The following ARHGAP32 variants were observed in gnomAD, a reference collection of about 807,000 sequenced individuals.
ARHGAP32 encodes Rho GTPase activating protein 32.
A neutral mutation model predicts 186.5 loss-of-function variants in ARHGAP32; 51 were observed. The observed-to-expected ratio is 0.27, with a 90% confidence interval of 0.22 to 0.35. The LOEUF (loss-of-function observed/expected upper bound fraction) is 0.35, where lower values mean the gene tolerates loss of function less well. Ranked by LOEUF, ARHGAP32 falls within the 10% of genes least tolerant of loss-of-function variation. The pLI, the probability that ARHGAP32 is intolerant of heterozygous loss-of-function variation, is 1.00. For synonymous variants in ARHGAP32, 950 were observed against 964.3 expected, an observed-to-expected ratio of 0.99 and a Z score of 0.27; for missense variants, 2,186 against 2,623.5, an observed-to-expected ratio of 0.83 and a Z score of 3.64.
intron 11 of ARHGAP32, among the ~76,000 whole-genome samples, chr11:129,037,694 G>C (rs769365501): frequency 3.3e-5 from 5 of 151,736 alleles, no homozygotes; most frequent in Non-Finnish European, 5.9e-5. Context: ...AAGGGGCCCA[G>C]AAAAGCCAAA....
At chr11:129,137,033 C>T (rs989289904) in intron 2 of ARHGAP32, among the ~76,000 whole-genome samples, 1 of 151,412 alleles carries the variant, frequency 6.6e-6, no homozygotes, top group African/African-American at 2.4e-5. Context: ...AATAAGAAAA[C>T]AGTTTAATAC....
intron 10 of ARHGAP32, among the ~76,000 whole-genome samples, chr11:129,042,885 T>C (rs1939652648): frequency 1.3e-5 from 2 of 152,094 alleles, no homozygotes; most frequent in African/African-American, 2.4e-5. Context: ...AAGAAGTGAC[T>C]GGGAAACTGC....
At chr11:129,191,971 C>G in intron 1 of ARHGAP32, 112 bp downstream of exon 1, 1 of 793,710 alleles carries the variant, frequency 1.3e-6, no homozygotes, top group South Asian at 1.6e-5. Flanking sequence ...AAACCTTCCC[C>G]CAGAAAACAG....
chr11:129,135,443 G>A lies in ARHGAP32; in HGVS notation c.226-10549C>T, dbSNP rs573453245. 1.9e-4 allele frequency among the ~76,000 whole-genome samples: 29 copies of A among 152,282 alleles called. No homozygotes were observed. The East Asian group carries it at 5.4e-3, about 28-fold the overall frequency. On this transcript the variant is annotated intron_variant, in intron 2 of 22. Coordinates refer to ENST00000682385, the MANE Select transcript of ARHGAP32 (RefSeq NM_001378024.1). Reference sequence around the variant, plus strand: ...AAAAAAGATGGCCATTTCAATAACTGTACTAAGTCAATCTGATTTCTATAT... The same window carrying A: ...AAAAAAGATGGCCATTTCAATAACTATACTAAGTCAATCTGATTTCTATAT...
intron 9 of ARHGAP32, 60 bp downstream of exon 9, chr11:129,063,842 A>C: frequency 6.5e-7 from 1 of 1,537,708 alleles, no homozygotes; most frequent in Non-Finnish European, 8.7e-7. Context: ...AAGAACAGTC[A>C]AAGATGAGGC....
At chr11:129,161,630 T>C (rs773657796) in intron 2 of ARHGAP32, among the ~76,000 whole-genome samples, 1 of 152,038 alleles carries the variant, frequency 6.6e-6, no homozygotes, top group Non-Finnish European at 1.5e-5. Context: ...ATGGTGATCA[T>C]TAAAGTCAGG....
At chr11:129,195,849 AGCC>A (rs1363821691), upstream of ARHGAP32, among the ~76,000 whole-genome samples, 1 of 152,246 alleles carries the variant, frequency 6.6e-6, no homozygotes, top group Admixed American at 6.5e-5. Flanking sequence ...GATGGAACAC[AGCC>A]GAGTCCATCA....
At chr11:129,266,798 A>G (rs1348062507) in intron 1 of ARHGAP32, among the ~76,000 whole-genome samples, 2 of 152,124 alleles carry the variant, frequency 1.3e-5, no homozygotes, top group East Asian at 3.9e-4. Context: ...CTAAGGGCCT[A>G]AAGGATGTGC....
intron 2 of ARHGAP32, among the ~76,000 whole-genome samples, chr11:129,133,890 C>T (rs1286832667): frequency 1.3e-5 from 2 of 152,250 alleles, no homozygotes; most frequent in East Asian, 1.9e-4. Context: ...CACTTACATG[C>T]TTTAAAATAT....
chr11:129,181,194 G>C (rs1302994633), intron 1 of ARHGAP32, among the ~76,000 whole-genome samples: 1 of 152,178 alleles, frequency 6.6e-6, no homozygotes, highest in Non-Finnish European at 1.5e-5. Flanking sequence ...TTCTGGCTCT[G>C]CAACAGTTGT....
chr11:129,048,519 TAAAAG>T (rs1939905744), intron 10 of ARHGAP32, among the ~76,000 whole-genome samples: 1 of 151,716 alleles, frequency 6.6e-6, no homozygotes, highest in East Asian at 1.9e-4. Flanking sequence ...CCACTAGTGA[TAAAAG>T]AGAAGAACCA....
At chr11:129,136,370 A>G (rs1942936298) in intron 2 of ARHGAP32, among the ~76,000 whole-genome samples, 1 of 152,178 alleles carries the variant, frequency 6.6e-6, no homozygotes, top group African/African-American at 2.4e-5. Context: ...GGTACTCAAG[A>G]GAGATTTCTG....
chr11:129,212,850 T>C (rs1307614756), intron 1 of ARHGAP32, among the ~76,000 whole-genome samples: 1 of 151,772 alleles, frequency 6.6e-6, no homozygotes, highest in African/African-American at 2.4e-5. Context: ...GTATCCAAAA[T>C]AAGTTTTTTT....
At chr11:129,085,837 C>CA (rs1431099117) in intron 6 of ARHGAP32, among the ~76,000 whole-genome samples, 4 of 151,340 alleles carry the variant, frequency 2.6e-5, no homozygotes, top group African/African-American at 7.3e-5. Context: ...ACTAAAAATA[C>CA]AAAAAAATTA....
intron 1 of ARHGAP32, among the ~76,000 whole-genome samples, chr11:129,224,989 T>C (rs1565473330): frequency 1.3e-5 from 2 of 151,962 alleles, no homozygotes; most frequent in Non-Finnish European, 1.5e-5. Flanking sequence ...TGCATACGTG[T>C]AGTCCCAGCT....
chr11:128,991,532 T>TA lies in ARHGAP32; in HGVS notation c.1196-3408dup, dbSNP rs939410242. On this transcript the variant is annotated intron_variant, in intron 12 of 22. Coordinates refer to ENST00000682385, the MANE Select transcript of ARHGAP32 (RefSeq NM_001378024.1). The stretch of plus-strand genomic sequence containing the variant: ...AATATAAGAAATCCAATATATTTTG[T>TA]AAAAAAAATCCTAGTTTTAAAAAAA... Among the ~76,000 whole-genome samples, 14 of 152,054 alleles carry TA rather than the reference T, an allele frequency of 9.2e-5. No homozygotes were observed. In the South Asian group the frequency reaches 1.0e-3, roughly 11 times the overall value.
chr11:129,143,332 G>GT (rs1943101250), intron 2 of ARHGAP32, among the ~76,000 whole-genome samples: 1 of 152,030 alleles, frequency 6.6e-6, no homozygotes. Flanking sequence ...CACAGTTTCA[G>GT]TTACCCATGG....
intron 11 of ARHGAP32, among the ~76,000 whole-genome samples, chr11:129,029,900 G>C (rs774458751): frequency 6.7e-5 from 10 of 148,706 alleles, no homozygotes; most frequent in Admixed American, 2.7e-4. Flanking sequence ...CCAGATTCAT[G>C]TCCAGTTTAA....
intron 1 of ARHGAP32, among the ~76,000 whole-genome samples, chr11:129,272,126 C>CA (rs1475593653): frequency 1.3e-5 from 2 of 151,614 alleles, no homozygotes; most frequent in African/African-American, 4.8e-5. Flanking sequence ...CAAAAGGAAA[C>CA]AAAAAAAGGA....
Sources: gnomAD v4.1 joint callset for allele counts (sites outside exome capture counted in the v4.1 genomes callset) on GRCh38, gnomAD v4.1.1 for gene constraint, MANE v1.5 for transcripts, NCBI Gene and HGNC (gene_info 2026-07-23, HGNC 2026-07-21) for gene names.